SGCZ: variants seen among roughly 807,000 people sequenced by gnomAD.
The protein encoded by SGCZ is sarcoglycan zeta, also known as zeta-sarcoglycan.
SGCZ carries 40 observed loss-of-function variants against 41.3 expected under a neutral mutation model. That is an observed-to-expected ratio of 0.97 (90% CI 0.75 to 1.26). The LOEUF (loss-of-function observed/expected upper bound fraction) is 1.26. Ranked by LOEUF, SGCZ falls within the 50% of genes most tolerant of loss-of-function variation. The probability of loss-of-function intolerance (pLI) is 0.00; values close to 1 mark genes in which losing one functional copy is unlikely to be tolerated. For synonymous variants in SGCZ, 206 were observed against 137.5 expected (o/e 1.50, Z -3.49); for missense variants, 552 against 369.8 (o/e 1.49, Z -4.04).
At chr8:14,267,796 A>G (rs964131733) in intron 3 of SGCZ, among the ~76,000 whole-genome samples, 7 of 152,050 alleles carry the variant, frequency 4.6e-5, no homozygotes, top group African/African-American at 1.7e-4. Context: ...GCATATATTT[A>G]AGAATCTTTC....
At chr8:14,238,351 T>G (rs1032836867) in intron 3 of SGCZ, among the ~76,000 whole-genome samples, 1 of 152,186 alleles carries the variant, frequency 6.6e-6, no homozygotes, top group African/African-American at 2.4e-5. Context: ...GTTGACTGAG[T>G]AGATAAAAAA....
chr8:14,829,206 CT>C lies in SGCZ; in HGVS notation c.40-274281del, dbSNP rs61251706. Among the ~76,000 whole-genome samples the C allele has an allele frequency of 8.6e-3, 1,310 of 152,258 alleles. 8 individuals are homozygous for C. Among genetic ancestry groups the C allele is most frequent in the Middle Eastern group, 0.027 (8 of 294 alleles). On this transcript the variant is annotated intron_variant, in intron 1 of 7. Coordinates refer to ENST00000382080, the MANE Select transcript of SGCZ (RefSeq NM_139167.4). ...CTCTCCCTGCTTCCACCCCAACACTCTGATAGGCCCCAGTGCATATTGTTGC... is the reference window on the plus strand; with the variant it reads ...CTCTCCCTGCTTCCACCCCAACACTCGATAGGCCCCAGTGCATATTGTTGC...
chr8:15,237,233 G>A (rs1802156665), intron 1 of SGCZ, among the ~76,000 whole-genome samples: 1 of 147,062 alleles, frequency 6.8e-6, no homozygotes, highest in African/African-American at 2.5e-5. Context: ...AGGCGACAGC[G>A]GGCAGAGCTG....
At chr8:14,168,756 T>C (rs1156554933) in intron 4 of SGCZ, among the ~76,000 whole-genome samples, 1 of 152,196 alleles carries the variant, frequency 6.6e-6, no homozygotes, top group Non-Finnish European at 1.5e-5. Context: ...CATTAAGAAC[T>C]CATTGTGCAA....
chr8:14,198,424 G>A (rs1805344623), intron 4 of SGCZ, among the ~76,000 whole-genome samples: 2 of 152,200 alleles, frequency 1.3e-5, no homozygotes, highest in South Asian at 4.1e-4. Context: ...AAGGAACAAT[G>A]GACATTAGGG....
chr8:15,121,943 C>T (rs1807497351), intron 1 of SGCZ, among the ~76,000 whole-genome samples: 1 of 150,822 alleles, frequency 6.6e-6, no homozygotes, highest in African/African-American at 2.4e-5. Context: ...TTTGGAGAGC[C>T]TTTCAAACCA....
At chr8:14,860,451 AGAAG>A (rs1803687990) in intron 1 of SGCZ, among the ~76,000 whole-genome samples, 1 of 150,524 alleles carries the variant, frequency 6.6e-6, no homozygotes, top group Non-Finnish European at 1.5e-5. Context: ...AAGAGAAGAG[AGAAG>A]GAAAGAGAAG....
At chr8:15,174,383 G>T (rs945891690) in intron 1 of SGCZ, among the ~76,000 whole-genome samples, 1 of 152,136 alleles carries the variant, frequency 6.6e-6, no homozygotes, top group Non-Finnish European at 1.5e-5. Context: ...TAAAAACATT[G>T]TATATAACCC....
chr8:14,962,188 GT>G (rs1800986582), intron 1 of SGCZ, among the ~76,000 whole-genome samples: 2 of 151,980 alleles, frequency 1.3e-5, no homozygotes, highest in Non-Finnish European at 2.9e-5. Context: ...ACGTCAACCA[GT>G]TTCTGATTTA....
intron 1 of SGCZ, among the ~76,000 whole-genome samples, chr8:14,733,300 C>A (rs143425487): frequency 6.6e-6 from 1 of 152,314 alleles, no homozygotes; most frequent in Non-Finnish European, 1.5e-5. Flanking sequence ...CCTTGTCTCA[C>A]CCATTCCTTT....
chr8:14,265,024 A>G (rs184733382), intron 3 of SGCZ, among the ~76,000 whole-genome samples: 33 of 152,282 alleles, frequency 2.2e-4, no homozygotes, highest in Non-Finnish European at 4.4e-4. Flanking sequence ...GGCAAACACT[A>G]AATTCCTAAT....
intron 1 of SGCZ, among the ~76,000 whole-genome samples, chr8:14,683,405 G>C (rs935683772): frequency 9.2e-5 from 14 of 151,904 alleles, no homozygotes; most frequent in African/African-American, 3.1e-4. Flanking sequence ...AAGAATTTAA[G>C]AATTGGAAAA....
rs191031839 is a variant in SGCZ at position 14,338,912 on chromosome 8, C to T, written c.235-14708G>A. Among the ~76,000 whole-genome samples the T allele has an allele frequency of 2.8e-3, 422 of 152,268 alleles. 3 individuals carry two copies. Among genetic ancestry groups the T allele is most frequent in the African/African-American group, 9.4e-3 (389 of 41,568 alleles). On this transcript the variant is annotated intron_variant, in intron 2 of 7. Coordinates refer to ENST00000382080, the MANE Select transcript of SGCZ (RefSeq NM_139167.4). ...CATTTAAGCCACATTTCTGCACAGTCATTGGTCCTCCTGGCTTCAGCCTGG... is the reference window on the plus strand; with the variant it reads ...CATTTAAGCCACATTTCTGCACAGTTATTGGTCCTCCTGGCTTCAGCCTGG...
At chr8:14,478,527 T>TG (rs1801427862) in intron 2 of SGCZ, among the ~76,000 whole-genome samples, 1 of 152,226 alleles carries the variant, frequency 6.6e-6, no homozygotes, top group South Asian at 2.1e-4. Flanking sequence ...ACAGGTGTTA[T>TG]GGGGGACAGA....
chr8:15,043,457 T>A (rs1384995795), intron 1 of SGCZ, among the ~76,000 whole-genome samples: 1 of 152,120 alleles, frequency 6.6e-6, no homozygotes, highest in East Asian at 1.9e-4. Context: ...ATAGAGTGGG[T>A]TGTTTTTGGA....
At chr8:14,495,321 T>C (rs1742908578) in intron 2 of SGCZ, among the ~76,000 whole-genome samples, 1 of 152,194 alleles carries the variant, frequency 6.6e-6, no homozygotes, top group South Asian at 2.1e-4. Flanking sequence ...CTTCTTTCAT[T>C]GAGTAACTAT....
intron 1 of SGCZ, among the ~76,000 whole-genome samples, chr8:15,031,598 A>C (rs773872484): frequency 6.6e-6 from 1 of 152,194 alleles, no homozygotes; most frequent in Non-Finnish European, 1.5e-5. Context: ...GAATATGTGC[A>C]AGGTTGGCAG....
rs145408247 is a variant in SGCZ, at chr8:14,632,790, T to A, written c.40-77864A>T. On this transcript the variant is annotated intron_variant, in intron 1 of 7. Coordinates refer to ENST00000382080, the MANE Select transcript of SGCZ (RefSeq NM_139167.4). ...ATTTAAAGTCAAAGTAAACGGGTCA[T>A]CCTATAAGATAAAGGGGAGAAAGTT... is the stretch of plus-strand genomic sequence containing the variant. Among the ~76,000 whole-genome samples, 642 of 152,062 alleles carry A rather than the reference T, an allele frequency of 4.2e-3. 7 individuals are homozygous for A. Among genetic ancestry groups the A allele is most frequent in the African/African-American group, 0.015 (622 of 41,514 alleles).
chr8:14,985,149 T>C (rs1213979936), intron 1 of SGCZ, among the ~76,000 whole-genome samples: 1 of 152,172 alleles, frequency 6.6e-6, no homozygotes, highest in Non-Finnish European at 1.5e-5. Flanking sequence ...ATGAATACAT[T>C]TGGATGCTTA....
Sources: gnomAD v4.1 joint callset for allele counts (sites outside exome capture counted in the v4.1 genomes callset) on GRCh38, gnomAD v4.1.1 for gene constraint, MANE v1.5 for transcripts, NCBI Gene and HGNC (gene_info 2026-07-23, HGNC 2026-07-21) for gene names.